SEZ6L: variants seen among roughly 807,000 people sequenced by gnomAD.
The protein encoded by SEZ6L is seizure related 6 homolog like, also known as seizure 6-like protein.
Under a neutral mutation model 106.2 loss-of-function variants are expected in SEZ6L, and 37 were observed. The observed-to-expected ratio is 0.35, with a 90% CI of 0.27 to 0.46. SEZ6L has a LOEUF of 0.46. SEZ6L is among the 20% of genes least tolerant of loss of function. The pLI is 1.00. For synonymous variants in SEZ6L, 541 were observed against 570.4 expected, an observed-to-expected ratio of 0.95 and a Z score of 0.73; for missense variants, 1,172 against 1,332.8, an observed-to-expected ratio of 0.88 and a Z score of 1.88.
chr22:26,300,724 C>T (rs7293127), intron 5 of SEZ6L, among the ~76,000 whole-genome samples: 3 of 152,126 alleles, frequency 2.0e-5, no homozygotes, highest in African/African-American at 4.8e-5. Context: ...CCTGAGGAAT[C>T]GCCACACTGA....
At position 26,382,281 on chromosome 22, in the gene SEZ6L, C is replaced by A. The variant is rs149269258; in HGVS notation, c.*1986C>A. 9.6e-3 allele frequency: 1,928 copies of A among 201,410 alleles called. 54 individuals carry two copies. Among genetic ancestry groups the A allele is most frequent in the African/African-American group, 0.042 (1,813 of 43,152 alleles). The allele number at this position is 201,410 out of a possible 1,614,324, so 12.5% of individuals were successfully genotyped here. A position where few individuals can be genotyped will look rare whatever the true frequency, so the allele number is the denominator to read the frequency against. On this transcript the variant is annotated 3_prime_UTR_variant, in exon 17 of 17. Transcript: ENST00000248933. ...TGTAACCTTTCCTTAAAAGGCAGAA[C>A]TCAATCCATTTTATTTGATGCTTAT...
At chr22:26,307,166 C>T (rs778255184) in intron 6 of SEZ6L, among the ~76,000 whole-genome samples, 2 of 152,158 alleles carry the variant, frequency 1.3e-5, no homozygotes, top group Non-Finnish European at 2.9e-5. Flanking sequence ...TACTTATGCA[C>T]CAGCTCCCAT....
intron 9 of SEZ6L, among the ~76,000 whole-genome samples, chr22:26,316,661 G>A (rs906260227): frequency 6.6e-5 from 10 of 151,832 alleles, no homozygotes; most frequent in African/African-American, 9.7e-5. Context: ...GTGAAACACC[G>A]CCTCTACTAA....
intron 1 of SEZ6L, among the ~76,000 whole-genome samples, chr22:26,184,545 G>T (rs1939643834): frequency 6.6e-6 from 1 of 152,166 alleles, no homozygotes; most frequent in African/African-American, 2.4e-5. Context: ...TACTTTGTGG[G>T]CTCTGCTGTA....
At chr22:26,326,536 G>C (rs2082310174) in intron 9 of SEZ6L, among the ~76,000 whole-genome samples, 1 of 152,144 alleles carries the variant, frequency 6.6e-6, no homozygotes, top group African/African-American at 2.4e-5. Context: ...AGCAACCTAG[G>C]AGAGTCACAC....
intron 1 of SEZ6L, among the ~76,000 whole-genome samples, chr22:26,290,327 C>T (rs899530556): frequency 1.7e-4 from 26 of 152,048 alleles, no homozygotes; most frequent in African/African-American, 6.3e-4. Flanking sequence ...GTCAGGAGAT[C>T]GAGACCATCC....
chr22:26,223,827 C>A (rs1361359534), intron 1 of SEZ6L, among the ~76,000 whole-genome samples: 3 of 152,050 alleles, frequency 2.0e-5, no homozygotes, highest in African/African-American at 4.8e-5. Flanking sequence ...ATAATTAAGG[C>A]CCCCGGATAG....
intron 9 of SEZ6L, among the ~76,000 whole-genome samples, chr22:26,324,140 A>G (rs2082240580): frequency 1.3e-5 from 2 of 151,792 alleles, no homozygotes; most frequent in Admixed American, 1.3e-4. Flanking sequence ...GAAGTGCTCC[A>G]CATGAGAGAA....
chr22:26,280,029 T>A (rs1311227453), intron 1 of SEZ6L, among the ~76,000 whole-genome samples: 2 of 152,066 alleles, frequency 1.3e-5, no homozygotes, highest in Non-Finnish European at 2.9e-5. Context: ...ATAAAAAAAA[T>A]AAAAAGTGAT....
At chr22:26,284,730 G>A (rs773675665) in intron 1 of SEZ6L, among the ~76,000 whole-genome samples, 45 of 150,306 alleles carry the variant, frequency 3.0e-4, no homozygotes, top group Non-Finnish European at 1.6e-4. Flanking sequence ...TTGTACTTTT[G>A]ATTTCTTACC....
intron 5 of SEZ6L, among the ~76,000 whole-genome samples, chr22:26,302,340 G>A (rs969417027): frequency 6.6e-6 from 1 of 152,202 alleles, no homozygotes. Context: ...GCACTGGTTT[G>A]TAACGCACTG....
At chr22:26,249,084 C>T (rs888823591) in intron 1 of SEZ6L, among the ~76,000 whole-genome samples, 2 of 152,114 alleles carry the variant, frequency 1.3e-5, no homozygotes, top group Non-Finnish European at 2.9e-5. Flanking sequence ...TGGGCTACAG[C>T]GTGATATTTC....
At chr22:26,373,245 T>A (rs1439741312) in intron 13 of SEZ6L, among the ~76,000 whole-genome samples, 2 of 152,242 alleles carry the variant, frequency 1.3e-5, no homozygotes, top group Non-Finnish European at 2.9e-5. Context: ...ATCTTGGGTC[T>A]TATCTATCTC....
intron 1 of SEZ6L, among the ~76,000 whole-genome samples, chr22:26,239,873 C>G (rs34177552): frequency 0.23 from 34,624 of 151,830 alleles, 4,415 homozygotes; most frequent in East Asian, 0.42. Context: ...TATTCATTCT[C>G]TCCCAACCCC....
At chr22:26,305,568 A>G (rs866301672) in intron 5 of SEZ6L, among the ~76,000 whole-genome samples, 4 of 152,242 alleles carry the variant, frequency 2.6e-5, no homozygotes, top group South Asian at 2.1e-4. Context: ...TTTAGTGCTT[A>G]CTGAGTACTA....
chr22:26,292,211 G>T, intron 1 of SEZ6L, 195 bp from the exon 2 acceptor site: 1 of 521,504 alleles, frequency 1.9e-6, no homozygotes, highest in East Asian at 3.1e-5. Flanking sequence ...AAAGAAGGAA[G>T]AAAAGAGAAA....
At chr22:26,226,265 A>C (rs2078630818) in intron 1 of SEZ6L, among the ~76,000 whole-genome samples, 1 of 152,202 alleles carries the variant, frequency 6.6e-6, no homozygotes, top group Admixed American at 6.5e-5. Context: ...CATTGCTTTC[A>C]GAATAAAGAC....
At chr22:26,348,570 GAAAGAAAGAAAGAAA>G (rs2083096698) in intron 11 of SEZ6L, among the ~76,000 whole-genome samples, 1 of 81,228 alleles carries the variant, frequency 1.2e-5, no homozygotes, top group African/African-American at 6.9e-5. Context: ...AGGGAGGAAA[GAAAGAAAGAAAGAAA>G]GAGAAAGAAA....
At position 26,292,976 on chromosome 22, in the gene SEZ6L, G is replaced by A; in HGVS notation, c.665G>A (p.Gly222Glu). The part of the protein sequence containing the change: ...AHTLPQRPEP[G>E]EPGPDMAQEA... ...ACACTCCCCCAGAGGCCAGAACCCG[G>A]GGAGCCTGGGCCTGACATGGCCCAG... is the stretch of plus-strand genomic sequence containing the variant. Residue 222 changes from glycine to glutamate, a missense_variant, in exon 2 of 17, where the codon GGG (glycine) becomes GAG (glutamate). Physicochemically the swap from Gly to Glu is moderately conservative, Grantham distance 98. Coordinates refer to ENST00000248933, the MANE Select transcript of SEZ6L (RefSeq NM_021115.5). 2 of 1,613,830 alleles carry A rather than the reference G, an allele frequency of 1.2e-6. No individual in the cohort carries two copies. Among genetic ancestry groups the A allele is most frequent in the African/African-American group, 1.3e-5 (1 of 75,028 alleles).
Sources: gnomAD v4.1 joint callset for allele counts (sites outside exome capture counted in the v4.1 genomes callset) on GRCh38, gnomAD v4.1.1 for gene constraint, MANE v1.5 for transcripts, NCBI Gene and HGNC (gene_info 2026-07-23, HGNC 2026-07-21) for gene names.